Variants in DOCK9 observed in about 807,000 individuals in gnomAD.
DOCK9 encodes the protein dedicator of cytokinesis 9, also known as dedicator of cytokinesis protein 9.
Under a neutral mutation model 263.3 loss-of-function variants are expected in DOCK9, and 89 were observed. The ratio of observed to expected loss-of-function variants is 0.34; its 90% confidence interval spans 0.28 to 0.40. The LOEUF (loss-of-function observed/expected upper bound fraction) is 0.40, where lower values mean the gene tolerates loss of function less well. DOCK9 is among the 10% of genes least tolerant of loss of function. The probability of loss-of-function intolerance (pLI) is 1.00; values close to 1 mark genes in which losing one functional copy is unlikely to be tolerated. For synonymous variants in DOCK9, 976 were observed against 973.1 expected (o/e 1.00, Z -0.06); for missense variants, 2,140 against 2,603.4 (o/e 0.82, Z 3.87).
Position 98,867,543 on chromosome 13 carries a change from G to A in DOCK9, c.3175-7C>T, listed in dbSNP as rs374026537. On this transcript the variant is annotated splice_region_variant and splice_polypyrimidine_tract_variant and intron_variant, in intron 29 of 52. Coordinates refer to ENST00000682017, the MANE Select transcript of DOCK9 (RefSeq NM_001366683.2). ...ACTTGTATTCAAAGAGGGTCTGCAG[G>A]AAGAAGTGTGTAGTCATAAATACCT... is the stretch of plus-strand genomic sequence containing the variant. 2.5e-5 allele frequency: 39 copies of A among 1,544,856 alleles called. No individual in the cohort carries two copies. Among genetic ancestry groups the A allele is most frequent in the Non-Finnish European group, 3.3e-5 (37 of 1,121,862 alleles).
Position 98,902,407 on chromosome 13 carries a change from G to A in DOCK9, c.1261C>T (p.His421Tyr). The change falls in exon 12 of 53, where the codon CAT (histidine) becomes TAT (tyrosine). Residue 421 changes from histidine (H) to tyrosine (Y), a missense_variant. This residue lies in a region of DOCK9 where 1,521 missense variants were observed against 1,741.7 expected (regional missense o/e 0.87). Transcript: ENST00000682017. Reference protein sequence around the residue: ...ISADFHVDLNHFSVRQMLATT... With the variant: ...ISADFHVDLNYFSVRQMLATT... ...GCGAGCATTTGCCTCACTGAGAAAT[G>A]GTTCAGGTCTACGTGGAAATCGGCA... is the stretch of plus-strand genomic sequence containing the variant. 6.2e-7 allele frequency: 1 copy of A among 1,614,000 alleles called. No homozygotes were observed. Among genetic ancestry groups the A allele is most frequent in the Non-Finnish European group, 8.5e-7 (1 of 1,179,886 alleles).
At chr13:98,798,473 G>A (rs2089711012) in intron 50 of DOCK9, among the ~76,000 whole-genome samples, 1 of 152,194 alleles carries the variant, frequency 6.6e-6, no homozygotes, top group Non-Finnish European at 1.5e-5. Context: ...GGTGCGTTGA[G>A]GGTGGAACTC....
chr13:99,020,770 T>C (rs1240207672), intron 1 of DOCK9, among the ~76,000 whole-genome samples: 5 of 152,242 alleles, frequency 3.3e-5, no homozygotes, highest in Non-Finnish European at 5.9e-5. Context: ...ATAAGTCTTC[T>C]ACTTATATAT....
At chr13:99,039,636 T>C (rs1888265490) in intron 1 of DOCK9, among the ~76,000 whole-genome samples, 1 of 152,184 alleles carries the variant, frequency 6.6e-6, no homozygotes, top group South Asian at 2.1e-4. Flanking sequence ...AGTAATTCAT[T>C]CCCATAAGGA....
Position 98,868,357 on chromosome 13 carries a change from A to C in DOCK9, c.2964T>G (p.Phe988Leu). 1 of 1,612,476 alleles carries C rather than the reference A, an allele frequency of 6.2e-7. No individual in the cohort carries two copies. Among genetic ancestry groups the C allele is most frequent in the Non-Finnish European group, 8.5e-7 (1 of 1,179,374 alleles). ...SKVKLLRNQRFPASYHHAVET... is the reference protein window; with the variant it reads ...SKVKLLRNQRLPASYHHAVET... Reference sequence around the variant, plus strand: ...CCACTGCATGATGATAGGATGCAGGAAATCTCTGGTTTCGCAGCAACTAAA... The same window carrying C: ...CCACTGCATGATGATAGGATGCAGGCAATCTCTGGTTTCGCAGCAACTAAA... The change falls in exon 28 of 53, where the codon TTT (phenylalanine) becomes TTG (leucine). Residue 988 changes from phenylalanine (F) to leucine (L), a missense_variant. By Grantham distance (22) the Phe-to-Leu change is conservative. This residue lies in a region of DOCK9 where 1,521 missense variants were observed against 1,741.7 expected (regional missense o/e 0.87). Coordinates refer to ENST00000682017, the MANE Select transcript of DOCK9 (RefSeq NM_001366683.2).
intron 1 of DOCK9, among the ~76,000 whole-genome samples, chr13:99,009,995 TA>T (rs1414097621): frequency 2.1e-5 from 3 of 142,992 alleles, no homozygotes; most frequent in Non-Finnish European, 3.0e-5. Context: ...TTTAAGGCCA[TA>T]AGGTAAAAAA....
intron 1 of DOCK9, among the ~76,000 whole-genome samples, chr13:99,005,669 A>G (rs1050482903): frequency 2.6e-5 from 4 of 152,226 alleles, no homozygotes; most frequent in African/African-American, 9.6e-5. Context: ...TAAATTCTAA[A>G]TCTACTAAAG....
rs2094100469 is a variant in DOCK9, at chr13:98,868,391, A to G, written c.2944-14T>C. 5 of 1,603,350 alleles carry G rather than the reference A, an allele frequency of 3.1e-6. No individual in the cohort carries two copies. Among genetic ancestry groups the G allele is most frequent in the Non-Finnish European group, 3.4e-6 (4 of 1,174,500 alleles). ...GTTTCGCAGCAACTAAAAAGAATTC[A>G]GAGCAAACATTTATTATTTATTAAG... On this transcript the variant is annotated splice_polypyrimidine_tract_variant and intron_variant, in intron 27 of 52. Coordinates refer to ENST00000682017, the MANE Select transcript of DOCK9 (RefSeq NM_001366683.2).
In DOCK9 at chr13:99,022,549, G is replaced by A. The variant is rs150893310; in HGVS notation, c.129+63674C>T. On this transcript the variant is annotated intron_variant, in intron 1 of 32. Transcript: ENST00000427887. Reference sequence around the variant, plus strand: ...CCAGACCTAGCTCCAAGGAGCAAGCGTCCAGGGAGGGACGGTGGGGGTCTT... The same window carrying A: ...CCAGACCTAGCTCCAAGGAGCAAGCATCCAGGGAGGGACGGTGGGGGTCTT... Among the ~76,000 whole-genome samples the A allele has an allele frequency of 2.8e-3, 419 of 152,296 alleles. 2 individuals are homozygous for A. The highest frequency in any genetic ancestry group is 9.2e-3 in the African/African-American group (383 of 41,564).
chr13:98,969,345 G>A (rs1268127271), intron 1 of DOCK9, among the ~76,000 whole-genome samples: 1 of 152,070 alleles, frequency 6.6e-6, no homozygotes, highest in Non-Finnish European at 1.5e-5. Flanking sequence ...TGGAAGGGAG[G>A]CAAATGAAAA....
intron 1 of DOCK9, among the ~76,000 whole-genome samples, chr13:98,969,397 C>T (rs566633426): frequency 2.0e-5 from 3 of 152,020 alleles, no homozygotes; most frequent in Non-Finnish European, 2.9e-5. Flanking sequence ...CAGGCCCTTT[C>T]GCAACCTTTT....
chr13:98,895,665 A>G (rs896236544), intron 15 of DOCK9, among the ~76,000 whole-genome samples: 1 of 142,524 alleles, frequency 7.0e-6, no homozygotes, highest in Non-Finnish European at 1.5e-5. Flanking sequence ...ACTCCATCTC[A>G]AAAAAAAAAA....
chr13:98,824,350 T>A, intron 45 of DOCK9, 48 bp downstream of exon 45: 1 of 1,563,030 alleles, frequency 6.4e-7, no homozygotes, highest in Non-Finnish European at 8.8e-7. Context: ...AACAGCAGGC[T>A]CCCAGATACC....
chr13:98,810,098 T>C lies in DOCK9; in HGVS notation c.5253+71A>G, dbSNP rs1483463364. 28 of 1,595,750 alleles carry C rather than the reference T, an allele frequency of 1.8e-5. No homozygotes were observed. In the South Asian group the frequency reaches 2.7e-4, roughly 16 times the overall value. ...CATGGCCTGCTTCCTCTCTCACATATATGCAGGTCTGGGTATATGTCACAG... is the reference window on the plus strand; with the variant it reads ...CATGGCCTGCTTCCTCTCTCACATACATGCAGGTCTGGGTATATGTCACAG... On this transcript the variant is annotated intron_variant, in intron 46 of 52. Transcript: ENST00000682017.
chr13:98,925,379 A>G (rs10467260), intron 4 of DOCK9, among the ~76,000 whole-genome samples: 113,240 of 151,180 alleles, frequency 0.75, 42,743 homozygotes, highest in Middle Eastern at 0.9. Context: ...ATTAAAGGAG[A>G]TAAAAAAAAA....
At chr13:98,885,916 C>A in intron 19 of DOCK9, 85 bp from the exon 20 acceptor site, 1 of 1,315,152 alleles carries the variant, frequency 7.6e-7, no homozygotes, top group South Asian at 1.6e-5. Flanking sequence ...TGTTACCCAA[C>A]GCATAAACGT....
intron 1 of DOCK9, among the ~76,000 whole-genome samples, chr13:99,034,399 T>G: frequency 6.6e-6 from 1 of 152,216 alleles, no homozygotes; most frequent in East Asian, 1.9e-4. Flanking sequence ...ACTAATCATC[T>G]TAAGCCTAAG....
intron 45 of DOCK9, among the ~76,000 whole-genome samples, chr13:98,814,157 G>C (rs1380636479): frequency 3.3e-5 from 5 of 152,168 alleles, no homozygotes. Flanking sequence ...ATCTAAGCAA[G>C]ACCATTTACC....
At chr13:98,921,202 T>A in intron 6 of DOCK9, 114 bp from the exon 7 acceptor site, 1 of 1,051,216 alleles carries the variant, frequency 9.5e-7, no homozygotes, top group South Asian at 1.8e-5. Flanking sequence ...GTTCTCACTC[T>A]AGCTGATGCT....
Sources: allele counts gnomAD v4.1 joint callset (sites outside exome capture counted in the v4.1 genomes callset), GRCh38; gene constraint gnomAD v4.1.1; regional missense constraint gnomAD v4.1.1; transcripts MANE v1.5; gene names NCBI Gene and HGNC (gene_info 2026-07-23, HGNC 2026-07-21).